Variants in RPS6KB1 observed in about 807,000 individuals in gnomAD.
The protein encoded by RPS6KB1 is ribosomal protein S6 kinase B1.
In RPS6KB1, 12 loss-of-function variants were observed where a neutral mutation model predicts 70.2. The observed-to-expected ratio is 0.17, with a 90% CI of 0.11 to 0.28. RPS6KB1 has a LOEUF of 0.28. Among genes scored for constraint, RPS6KB1 ranks in the 10% least tolerant of loss-of-function variants. The probability of loss-of-function intolerance (pLI) is 1.00; values close to 1 mark genes in which losing one functional copy is unlikely to be tolerated. For synonymous variants in RPS6KB1, 175 were observed against 211.2 expected, an observed-to-expected ratio of 0.83 and a Z score of 1.49; for missense variants, 270 against 646.6, an observed-to-expected ratio of 0.42 and a Z score of 6.32.
At position 59,947,665 on chromosome 17, in the gene RPS6KB1, GC is replaced by G. The variant is rs1231430776; in HGVS notation, c.*879del. ...GTCCTACATTTCATCATTGTCCCGG[GC>G]CTGCATTGCACTGGAAAAAAAAATC... On this transcript the variant is annotated 3_prime_UTR_variant, in exon 15 of 15. Transcript: ENST00000225577. 1 of 951,476 alleles carries G rather than the reference GC, an allele frequency of 1.1e-6. No individual in the cohort carries two copies. The highest frequency in any genetic ancestry group is 1.6e-5 in the African/African-American group (1 of 60,858). The allele number at this position is 951,476 out of a possible 1,614,324, so 58.9% of individuals were successfully genotyped here.
intron 13 of RPS6KB1, among the ~76,000 whole-genome samples, chr17:59,944,809 T>TTA (rs1555654914): frequency 1.4e-5 from 2 of 147,226 alleles, no homozygotes; most frequent in Non-Finnish European, 3.0e-5. Context: ...TTTTTTTTTT[T>TTA]AATTTTTGAG....
intron 1 of RPS6KB1, chr17:59,894,070 G>GA (rs576031542): frequency 2.0e-3 from 1,245 of 623,640 alleles, no homozygotes; most frequent in Non-Finnish European, 2.2e-3. Context: ...TTTTGAGGTG[G>GA]AAAAAAAAAC....
chr17:59,894,091 T>C, intron 1 of RPS6KB1, among the ~76,000 whole-genome samples: 1 of 152,084 alleles, frequency 6.6e-6, no homozygotes, highest in South Asian at 2.1e-4. Flanking sequence ...CAAAAACCAG[T>C]TGACAGCCTT....
intron 10 of RPS6KB1, among the ~76,000 whole-genome samples, chr17:59,935,969 G>A (rs1361439511): frequency 2.0e-5 from 3 of 151,552 alleles, no homozygotes; most frequent in South Asian, 2.1e-4. Context: ...TCACCACCAC[G>A]CCAGGCTAAT....
At chr17:59,898,102 C>T (rs1338523238) in intron 1 of RPS6KB1, among the ~76,000 whole-genome samples, 2 of 151,818 alleles carry the variant, frequency 1.3e-5, no homozygotes, top group African/African-American at 4.8e-5. Flanking sequence ...TCATTTGGGG[C>T]AGTAAATTGA....
Position 59,949,547 on chromosome 17 carries a change from T to C in RPS6KB1, c.*2759T>C, listed in dbSNP as rs2045104848. ...ACTGAAGTTTACTAATTTGATTTTATAAGGTTTGTAGCATTACAGAATAAC... is the reference window on the plus strand; with the variant it reads ...ACTGAAGTTTACTAATTTGATTTTACAAGGTTTGTAGCATTACAGAATAAC... On this transcript the variant is annotated 3_prime_UTR_variant, in exon 15 of 15. Transcript: ENST00000225577. 6.6e-6 allele frequency: 1 copy of C among 152,550 alleles called. No homozygotes were observed. The allele number at this position is 152,550 out of a possible 1,614,324, so 9.4% of individuals were successfully genotyped here.
At chr17:59,938,843 G>T (rs535077161) in intron 12 of RPS6KB1, among the ~76,000 whole-genome samples, 1 of 151,878 alleles carries the variant, frequency 6.6e-6, no homozygotes, top group Non-Finnish European at 1.5e-5. Flanking sequence ...TCACAGGTTG[G>T]GGGAGGGAAT....
At chr17:59,920,784 T>G (rs569473397) in intron 4 of RPS6KB1, among the ~76,000 whole-genome samples, 2 of 152,282 alleles carry the variant, frequency 1.3e-5, no homozygotes, top group Admixed American at 6.5e-5. Context: ...CTGCAACCTT[T>G]GCCTCTTGGG....
rs112530345 is a variant in RPS6KB1 at position 59,946,985 on chromosome 17, G to A, written c.*197G>A. ...GCAAAAAAAAACTTAAAGCAAAATA[G>A]TATTGCTGAACTCTTAGGCACATCA... On this transcript the variant is annotated 3_prime_UTR_variant, in exon 15 of 15. Coordinates refer to ENST00000225577, the MANE Select transcript of RPS6KB1 (RefSeq NM_003161.4). This position sits in a 1 kb window ranked among gnomAD's most constrained non-coding sequence, Gnocchi z 4.2. 12 of 1,412,552 alleles carry A rather than the reference G, an allele frequency of 8.5e-6. No homozygotes were observed. Among genetic ancestry groups the A allele is most frequent in the Non-Finnish European group, 1.1e-5 (12 of 1,084,978 alleles). 87.5% of individuals were successfully genotyped at this position (1,412,552 alleles called of 1,614,324 possible). A position where few individuals can be genotyped will look rare whatever the true frequency, so the allele number is the denominator to read the frequency against.
intron 1 of RPS6KB1, among the ~76,000 whole-genome samples, chr17:59,898,397 AT>A (rs2041696852): frequency 1.3e-5 from 2 of 152,154 alleles, no homozygotes; most frequent in Non-Finnish European, 1.5e-5. Flanking sequence ...TATAGAAAAA[AT>A]ATCAATACTT....
chr17:59,921,519 G>A (rs2043262961), intron 4 of RPS6KB1, among the ~76,000 whole-genome samples: 1 of 152,166 alleles, frequency 6.6e-6, no homozygotes, highest in Non-Finnish European at 1.5e-5. Flanking sequence ...ACCTGAGTGT[G>A]TGGTAAGTGT....
chr17:59,909,334 C>G (rs1470756254), intron 1 of RPS6KB1, among the ~76,000 whole-genome samples: 1 of 132,172 alleles, frequency 7.6e-6, no homozygotes, highest in Non-Finnish European at 1.5e-5. Flanking sequence ...GTGGCGTGAT[C>G]TCGGCTCACC....
chr17:59,914,371 C>T (rs1255260757), intron 3 of RPS6KB1, among the ~76,000 whole-genome samples: 1 of 152,088 alleles, frequency 6.6e-6, no homozygotes, highest in African/African-American at 2.4e-5. Context: ...CTGTTTATAG[C>T]TTGTTCTAAG....
At chr17:59,936,394 A>G in intron 11 of RPS6KB1, 70 bp from the exon 12 acceptor site, 1 of 1,538,854 alleles carries the variant, frequency 6.5e-7, no homozygotes, top group Admixed American at 1.8e-5. Context: ...TAACTTCAAA[A>G]AGGTGATTAA....
rs1268895694 is a variant in RPS6KB1 at position 59,947,007 on chromosome 17, A to G, written c.*219A>G. Reference sequence around the variant, plus strand: ...ATAGTATTGCTGAACTCTTAGGCACATCAATTAATTGATTCCTCGCGACAT... The same window carrying G: ...ATAGTATTGCTGAACTCTTAGGCACGTCAATTAATTGATTCCTCGCGACAT... On this transcript the variant is annotated 3_prime_UTR_variant, in exon 15 of 15. Coordinates refer to ENST00000225577, the MANE Select transcript of RPS6KB1 (RefSeq NM_003161.4). 2 of 1,379,108 alleles carry G rather than the reference A, an allele frequency of 1.5e-6. No individual in the cohort carries two copies. Among genetic ancestry groups the G allele is most frequent in the African/African-American group, 2.9e-5 (2 of 68,746 alleles). 85.4% of individuals were successfully genotyped at this position (1,379,108 alleles called of 1,614,324 possible). A position where few individuals can be genotyped will look rare whatever the true frequency, so the allele number is the denominator to read the frequency against.
At chr17:59,902,937 G>GT (rs1422453839) in intron 1 of RPS6KB1, among the ~76,000 whole-genome samples, 9 of 152,030 alleles carry the variant, frequency 5.9e-5, no homozygotes, top group Non-Finnish European at 1.2e-4. Context: ...TCCTAGCACT[G>GT]TGGGAGGCTG....
At chr17:59,901,250 C>T (rs558921462) in intron 1 of RPS6KB1, among the ~76,000 whole-genome samples, 26 of 151,198 alleles carry the variant, frequency 1.7e-4, no homozygotes, top group African/African-American at 5.6e-4. Context: ...CCCAGGTTCA[C>T]GCCATTCTCC....
At chr17:59,928,033 C>T (rs112058198) in intron 5 of RPS6KB1, among the ~76,000 whole-genome samples, 3,418 of 151,696 alleles carry the variant, frequency 0.023, 127 homozygotes, top group African/African-American at 0.078. Flanking sequence ...TGGTGTGCTC[C>T]TGTAATCCCA....
In RPS6KB1 at chr17:59,910,622, A is replaced by C; in HGVS notation, c.191+11A>C. On this transcript the variant is annotated intron_variant, in intron 2 of 14. Transcript: ENST00000225577. ...TGGACCATATGAACTGTAAGTTTAT[A>C]TGAAGAGATTTTCATTGTGTTGTCT... 6.5e-7 allele frequency: 1 copy of C among 1,545,970 alleles called. No individual in the cohort carries two copies. The highest frequency in any genetic ancestry group is 8.9e-7 in the Non-Finnish European group (1 of 1,128,590).
Sources: gnomAD v4.1 joint callset for allele counts (sites outside exome capture counted in the v4.1 genomes callset) on GRCh38, gnomAD v4.1.1 for gene constraint, Gnocchi (gnomAD v3.1) non-coding constraint, MANE v1.5 for transcripts, NCBI Gene and HGNC (gene_info 2026-07-23, HGNC 2026-07-21) for gene names.